Variants in EDNRB observed in about 807,000 individuals in gnomAD.
EDNRB encodes the protein endothelin receptor type B.
EDNRB carries 18 observed loss-of-function variants against 46.4 expected under a neutral mutation model. That is an observed-to-expected ratio of 0.39 (90% CI 0.27 to 0.57). The LOEUF (loss-of-function observed/expected upper bound fraction) is 0.57, where lower values mean the gene tolerates loss of function less well. Among genes scored for constraint, EDNRB ranks in the 20% least tolerant of loss-of-function variants. The probability of loss-of-function intolerance (pLI) is 0.61; values close to 1 mark genes in which losing one functional copy is unlikely to be tolerated. For synonymous variants in EDNRB, 213 were observed against 204.9 expected, an observed-to-expected ratio of 1.04 and a Z score of -0.34; for missense variants, 434 against 537.5, an observed-to-expected ratio of 0.81 and a Z score of 1.90.
At chr13:77,920,879 C>G (rs1339173143), upstream of EDNRB, among the ~76,000 whole-genome samples, 1 of 152,172 alleles carries the variant, frequency 6.6e-6, no homozygotes, top group African/African-American at 2.4e-5. Flanking sequence ...AGTGTTGGAT[C>G]TGCCCTTCCT....
At chr13:77,907,355 C>A (rs1879331144) in intron 1 of EDNRB, among the ~76,000 whole-genome samples, 2 of 151,940 alleles carry the variant, frequency 1.3e-5, no homozygotes, top group South Asian at 4.1e-4. Flanking sequence ...CATTTCATCT[C>A]CCCTGGCCCT....
chr13:77,950,751 C>T (rs1881068576), intron 1 of EDNRB, among the ~76,000 whole-genome samples: 1 of 152,198 alleles, frequency 6.6e-6, no homozygotes, highest in South Asian at 2.1e-4. Flanking sequence ...GGCTCTTTCT[C>T]TTGTTTTTAC....
At chr13:77,969,254 T>C (rs1004442749) in intron 1 of EDNRB, among the ~76,000 whole-genome samples, 2 of 152,170 alleles carry the variant, frequency 1.3e-5, no homozygotes, top group Non-Finnish European at 2.9e-5. Context: ...ATTTTAAAAG[T>C]TAATTCTGTA....
chr13:77,932,942 C>T (rs535155767), intron 1 of EDNRB, among the ~76,000 whole-genome samples: 1 of 152,126 alleles, frequency 6.6e-6, no homozygotes, highest in South Asian at 2.1e-4. Flanking sequence ...CTGTTATGAC[C>T]AACTAAAGAA....
rs139109641 is a variant in EDNRB at position 77,937,112 on chromosome 13, G to A, written c.-51-18488C>T. On this transcript the variant is annotated intron_variant, in intron 1 of 7. Transcript: ENST00000646948. ...CTTCTGGCCTTTCTGGGTCTAGGGC[G>A]GTAAAGCGTCTAAGGGTTGCTGCTA... 2.0e-3 allele frequency among the ~76,000 whole-genome samples: 301 copies of A among 152,310 alleles called. 1 individual carries two copies. The highest frequency in any genetic ancestry group is 7.0e-3 in the African/African-American group (290 of 41,558).
chr13:77,933,326 G>T (rs143606158), intron 1 of EDNRB, among the ~76,000 whole-genome samples: 1 of 152,174 alleles, frequency 6.6e-6, no homozygotes, highest in Non-Finnish European at 1.5e-5. Flanking sequence ...GAGAGTCAGC[G>T]AAGGGAGACA....
chr13:77,953,512 C>T (rs1264913488), intron 1 of EDNRB, among the ~76,000 whole-genome samples: 2 of 152,070 alleles, frequency 1.3e-5, no homozygotes, highest in African/African-American at 4.8e-5. Context: ...CCAGAATGAA[C>T]ATGGCATTTT....
intron 1 of EDNRB, among the ~76,000 whole-genome samples, chr13:77,958,607 C>G (rs1346156453): frequency 6.6e-6 from 1 of 152,168 alleles, no homozygotes; most frequent in Non-Finnish European, 1.5e-5. Context: ...ATCTCCTGAC[C>G]TTGGAACCCG....
At position 77,900,463 on chromosome 13, in the gene EDNRB, T is replaced by C. The variant is rs1274303944; in HGVS notation, c.1085+58A>G. On this transcript the variant is annotated intron_variant, in intron 5 of 6. Transcript: ENST00000646607. ...TCTTTCTGCCTATAAAAAAGATCGATGGAAACACTTCTGAGTGGCATTTAT... is the reference window on the plus strand; with the variant it reads ...TCTTTCTGCCTATAAAAAAGATCGACGGAAACACTTCTGAGTGGCATTTAT... 8.1e-6 allele frequency: 13 copies of C among 1,608,168 alleles called. No homozygotes were observed. In the Admixed American group the frequency reaches 1.0e-4, roughly 12 times the overall value.
intron 1 of EDNRB, among the ~76,000 whole-genome samples, chr13:77,972,307 G>A (rs556471050): frequency 3.9e-5 from 6 of 152,330 alleles, no homozygotes; most frequent in South Asian, 2.1e-4. Context: ...TTTGTTTAAC[G>A]TGCAGGCGGA....
intron 1 of EDNRB, among the ~76,000 whole-genome samples, chr13:77,962,190 C>G (rs1480508397): frequency 2.0e-5 from 3 of 152,140 alleles, no homozygotes; most frequent in African/African-American, 7.2e-5. Context: ...CAGCCGAATT[C>G]TACCAGAGGT....
intron 1 of EDNRB, among the ~76,000 whole-genome samples, chr13:77,969,857 AT>A (rs1270515696): frequency 6.6e-6 from 1 of 152,210 alleles, no homozygotes; most frequent in Non-Finnish European, 1.5e-5. Context: ...CAAAGTGTAA[AT>A]GAGCAGCCAG....
chr13:77,926,978 T>C (rs1880256648), intron 1 of EDNRB, among the ~76,000 whole-genome samples: 1 of 152,228 alleles, frequency 6.6e-6, no homozygotes, highest in Non-Finnish European at 1.5e-5. Flanking sequence ...ACTTACTCAG[T>C]ACCATGAGAA....
At chr13:77,955,355 T>C (rs185272548) in intron 1 of EDNRB, among the ~76,000 whole-genome samples, 1 of 152,336 alleles carries the variant, frequency 6.6e-6, no homozygotes, top group African/African-American at 2.4e-5. Context: ...GAGTTTCTTA[T>C]ATACTTTGGA....
chr13:77,926,292 C>T lies in EDNRB; in HGVS notation c.-51-7668G>A, dbSNP rs181216449. On this transcript the variant is annotated intron_variant, in intron 1 of 7. Coordinates refer to the EDNRB transcript ENST00000646948. ...AATGGGTTTTTCTTTTCTATTGCAT[C>T]GTCAGGCTGCAAATTTTCTAAACTC... 2.6e-4 allele frequency among the ~76,000 whole-genome samples: 40 copies of T among 152,280 alleles called. 1 individual carries two copies. Among genetic ancestry groups the T allele is most frequent in the Admixed American group, 1.8e-3 (28 of 15,302 alleles).
intron 1 of EDNRB, among the ~76,000 whole-genome samples, chr13:77,955,188 T>A (rs952761210): frequency 1.3e-5 from 2 of 152,216 alleles, no homozygotes; most frequent in African/African-American, 4.8e-5. Flanking sequence ...TATGATGATA[T>A]CTCATTGTGG....
chr13:77,918,970 T>C, upstream of EDNRB: 1 of 1,047,056 alleles, frequency 9.6e-7, no homozygotes, highest in Non-Finnish European at 1.2e-6. This position sits in a 1 kb window ranked among gnomAD's most constrained non-coding sequence, Gnocchi z 4.5. Context: ...AGACACGTCT[T>C]AGTTAAGCGT....
intron 1 of EDNRB, among the ~76,000 whole-genome samples, chr13:77,963,404 A>T (rs1459983115): frequency 1.3e-5 from 2 of 152,222 alleles, no homozygotes; most frequent in Non-Finnish European, 2.9e-5. Flanking sequence ...ACAGCATGGT[A>T]CTGGTACCAA....
intron 1 of EDNRB, among the ~76,000 whole-genome samples, chr13:77,955,035 C>T (rs1881197382): frequency 6.6e-6 from 1 of 152,080 alleles, no homozygotes; most frequent in Non-Finnish European, 1.5e-5. Context: ...TTTTTTGAGA[C>T]ACCTCCATAC....
Sources: gnomAD v4.1 joint callset for allele counts (sites outside exome capture counted in the v4.1 genomes callset) on GRCh38, gnomAD v4.1.1 for gene constraint, Gnocchi (gnomAD v3.1) non-coding constraint, MANE v1.5 for transcripts, NCBI Gene and HGNC (gene_info 2026-07-23, HGNC 2026-07-21) for gene names.